The following TTC7B variants were observed in gnomAD, a reference collection of about 807,000 sequenced individuals.
TTC7B encodes tetratricopeptide repeat domain 7B.
In TTC7B, 28 loss-of-function variants were observed where a neutral mutation model predicts 106.8. The ratio of observed to expected loss-of-function variants is 0.26; its 90% CI spans 0.19 to 0.36. The LOEUF (loss-of-function observed/expected upper bound fraction) is 0.36. Among genes scored for constraint, TTC7B ranks in the 10% least tolerant of loss-of-function variants. The pLI is 1.00. For synonymous variants in TTC7B, 405 were observed against 430.6 expected (o/e 0.94, Z 0.74); for missense variants, 862 against 1,076.4 (o/e 0.80, Z 2.79).
intron 9 of TTC7B, chr14:90,676,313 A>G (rs894048766): frequency 2.1e-5 from 9 of 429,530 alleles, no homozygotes; most frequent in African/African-American, 1.4e-4. Flanking sequence ...TGGAACTCTC[A>G]TGGTAAAAGA....
chr14:90,566,771 T>TC (rs1890817211), intron 19 of TTC7B, among the ~76,000 whole-genome samples: 1 of 152,148 alleles, frequency 6.6e-6, no homozygotes, highest in Admixed American at 6.6e-5. Context: ...TGGCAGAGGC[T>TC]CCCCTTTAGC....
At position 90,712,623 on chromosome 14, in the gene TTC7B, A is replaced by G. The variant is rs1475623748; in HGVS notation, c.699-17045T>C. 2.6e-5 allele frequency among the ~76,000 whole-genome samples: 4 copies of G among 152,240 alleles called. No homozygotes were observed. In the East Asian group the frequency reaches 5.8e-4, roughly 22 times the overall value. ...ACATTTTTGAGAGAAATCAAAGAAG[A>G]TCTAAATAAATGGAGAGAGGTTGGA... On this transcript the variant is annotated intron_variant, in intron 5 of 19. Transcript: ENST00000328459.
At chr14:90,602,301 G>C (rs1387242572) in intron 17 of TTC7B, 1 of 444,304 alleles carries the variant, frequency 2.3e-6, no homozygotes, top group East Asian at 7.0e-5. Flanking sequence ...TGAAGCACTA[G>C]GCAGGAGATG....
In TTC7B at chr14:90,530,415, G is replaced by A. The variant is rs536093064; in HGVS notation, c.*10953C>T. The stretch of plus-strand genomic sequence containing the variant: ...CCAAGGTGACTATGGTAAGTGAAAT[G>A]ATGGTCCCAAAAGATGCCTGCATCC... On this transcript the variant is annotated 3_prime_UTR_variant, in exon 20 of 20. Coordinates refer to ENST00000328459, the MANE Select transcript of TTC7B (RefSeq NM_001010854.2). The A allele has an allele frequency of 1.4e-4, 21 of 152,332 alleles. No homozygotes were observed. The highest frequency in any genetic ancestry group is 4.6e-4 in the African/African-American group (19 of 41,588). The allele number at this position is 152,332 out of a possible 1,614,324, so 9.4% of individuals were successfully genotyped here. A position where few individuals can be genotyped will look rare whatever the true frequency, so the allele number is the denominator to read the frequency against.
intron 18 of TTC7B, among the ~76,000 whole-genome samples, chr14:90,582,953 C>T (rs1272308446): frequency 6.6e-6 from 1 of 152,204 alleles, no homozygotes; most frequent in African/African-American, 2.4e-5. Flanking sequence ...GTGAGATCAC[C>T]CCAGGATGTA....
chr14:90,753,719 C>A (rs137873946), intron 3 of TTC7B, among the ~76,000 whole-genome samples: 1 of 152,324 alleles, frequency 6.6e-6, no homozygotes, highest in Non-Finnish European at 1.5e-5. Flanking sequence ...CACAGTTGGT[C>A]CCTTCTGAGT....
intron 9 of TTC7B, among the ~76,000 whole-genome samples, chr14:90,664,748 T>C (rs1045102455): frequency 6.6e-6 from 1 of 152,232 alleles, no homozygotes; most frequent in Non-Finnish European, 1.5e-5. Flanking sequence ...GCACTGGTTC[T>C]GGGGCCAGGC....
In TTC7B at chr14:90,623,076, CA is replaced by C. The variant is rs1224842915; in HGVS notation, c.1752-5032del. On this transcript the variant is annotated intron_variant, in intron 15 of 19. Transcript: ENST00000328459. The stretch of plus-strand genomic sequence containing the variant: ...GCCTTTTAAGCACCTACTCATCCTT[CA>C]AGATTCAGGTCAAATAGCAACTCCT... 7.9e-5 allele frequency among the ~76,000 whole-genome samples: 12 copies of C among 152,122 alleles called. 1 individual carries two copies. The East Asian group carries it at 2.1e-3, about 27-fold the overall frequency.
chr14:90,610,598 A>G, intron 17 of TTC7B, 144 bp downstream of exon 17: 1 of 653,846 alleles, frequency 1.5e-6, no homozygotes, highest in Non-Finnish European at 2.8e-6. Flanking sequence ...ACACTGGAGC[A>G]ATGCACCTCG....
At chr14:90,749,028 T>C (rs1890053901) in intron 3 of TTC7B, among the ~76,000 whole-genome samples, 1 of 152,224 alleles carries the variant, frequency 6.6e-6, no homozygotes, top group Admixed American at 6.5e-5. Flanking sequence ...AGTTTGCTTT[T>C]TTCCCCCTCC....
intron 5 of TTC7B, among the ~76,000 whole-genome samples, chr14:90,719,976 C>A (rs1888825135): frequency 1.3e-5 from 2 of 151,956 alleles, no homozygotes; most frequent in Admixed American, 1.3e-4. Context: ...TGCTGCCCAA[C>A]ACAAATTCAC....
In TTC7B at chr14:90,657,887, TCCTGCCG is replaced by T; in HGVS notation, c.1236+410_1236+416del. On this transcript the variant is annotated intron_variant, in intron 10 of 19. Coordinates refer to ENST00000328459, the MANE Select transcript of TTC7B (RefSeq NM_001010854.2). The surrounding 1 kb of genome is among the most constrained non-coding windows in gnomAD (Gnocchi z 4.2). ...CTGGGAGAGCAGCATCAAGCTTCTA[TCCTGCCG>T]TTGGACTCCCTCAGCCCACATTTTC... The T allele has an allele frequency of 5.2e-6, 1 of 191,154 alleles. No homozygotes were observed. Among genetic ancestry groups the T allele is most frequent in the South Asian group, 9.2e-5 (1 of 10,812 alleles). The allele number at this position is 191,154 out of a possible 1,614,324, so 11.8% of individuals were successfully genotyped here. A position where few individuals can be genotyped will look rare whatever the true frequency, so the allele number is the denominator to read the frequency against.
At chr14:90,739,564 C>A (rs1889678147) in intron 4 of TTC7B, among the ~76,000 whole-genome samples, 1 of 152,216 alleles carries the variant, frequency 6.6e-6, no homozygotes, top group South Asian at 2.1e-4. Context: ...AGTGAACAGC[C>A]CCTTCATGAA....
intron 19 of TTC7B, among the ~76,000 whole-genome samples, chr14:90,554,199 C>T (rs1890205893): frequency 6.6e-6 from 1 of 152,222 alleles, no homozygotes; most frequent in African/African-American, 2.4e-5. Context: ...CGGAGACGGA[C>T]CGCAGCCCAT....
intron 5 of TTC7B, among the ~76,000 whole-genome samples, chr14:90,710,985 T>C (rs1888423461): frequency 6.6e-6 from 1 of 152,162 alleles, no homozygotes; most frequent in Non-Finnish European, 1.5e-5. Context: ...CAATCAAGAA[T>C]TCTATATCCA....
intron 13 of TTC7B, 41 bp from the exon 14 acceptor site, chr14:90,647,064 G>T: frequency 2.4e-6 from 3 of 1,249,490 alleles, no homozygotes; most frequent in Non-Finnish European, 2.4e-6. Flanking sequence ...GGGAGAGGAG[G>T]CCATTTTTAC....
At chr14:90,604,254 A>AT (rs975261838) in intron 17 of TTC7B, among the ~76,000 whole-genome samples, 18 of 152,334 alleles carry the variant, frequency 1.2e-4, no homozygotes, top group African/African-American at 3.8e-4. Context: ...AATGTAAAGA[A>AT]TTTTTCTAGA....
intron 19 of TTC7B, among the ~76,000 whole-genome samples, chr14:90,547,775 T>C (rs911012434): frequency 2.0e-5 from 3 of 151,518 alleles, no homozygotes; most frequent in African/African-American, 7.3e-5. Flanking sequence ...CCATCCTGGG[T>C]GACAGAGATA....
At chr14:90,598,363 A>G (rs1328590780) in intron 17 of TTC7B, among the ~76,000 whole-genome samples, 2 of 152,164 alleles carry the variant, frequency 1.3e-5, no homozygotes, top group African/African-American at 4.8e-5. Context: ...CCTCAATCGA[A>G]AATGTTATCT....
Sources: allele counts gnomAD v4.1 joint callset (sites outside exome capture counted in the v4.1 genomes callset), GRCh38; gene constraint gnomAD v4.1.1; non-coding constraint Gnocchi (gnomAD v3.1); transcripts MANE v1.5; gene names NCBI Gene and HGNC (gene_info 2026-07-23, HGNC 2026-07-21).